DYRK1A: variants seen among roughly 807,000 people sequenced by gnomAD.
The protein encoded by DYRK1A is dual specificity tyrosine-phosphorylation-regulated kinase 1A.
In DYRK1A, 9 loss-of-function variants were observed where a neutral mutation model predicts 79.7. The ratio of observed to expected loss-of-function variants is 0.11; its 90% CI spans 0.07 to 0.20. The LOEUF is 0.20. DYRK1A is among the 10% of genes least tolerant of loss of function. The probability of loss-of-function intolerance (pLI) is 1.00; values close to 1 mark genes in which losing one functional copy is unlikely to be tolerated. For synonymous variants in DYRK1A, 349 were observed against 329.7 expected (o/e 1.06, Z -0.63); for missense variants, 622 against 956.0 (o/e 0.65, Z 4.61).
chr21:37,368,873 C>G (rs917546238), intron 1 of DYRK1A, among the ~76,000 whole-genome samples: 2 of 152,044 alleles, frequency 1.3e-5, no homozygotes, highest in African/African-American at 2.4e-5. Context: ...GATGTGTCCC[C>G]GTAAGGTTTT....
chr21:37,427,268 C>T (rs1392880095), intron 2 of DYRK1A, among the ~76,000 whole-genome samples: 1 of 152,186 alleles, frequency 6.6e-6, no homozygotes, highest in East Asian at 1.9e-4. Context: ...CGTGCTGCCA[C>T]ACCTGGCTAA....
intron 9 of DYRK1A, among the ~76,000 whole-genome samples, chr21:37,498,683 G>A (rs1176252700): frequency 2.6e-5 from 4 of 152,112 alleles, no homozygotes; most frequent in Middle Eastern, 3.2e-3. Flanking sequence ...TCATCTCTCT[G>A]ACAGCACAGT....
intron 2 of DYRK1A, among the ~76,000 whole-genome samples, chr21:37,467,334 ATCC>A (rs2148542805): frequency 6.6e-6 from 1 of 152,238 alleles, no homozygotes; most frequent in East Asian, 1.9e-4. Context: ...GGCCCAGGTG[ATCC>A]TCTAACCTCA....
rs190522405 is a variant in DYRK1A, at chr21:37,523,278, C to G, written c.*10747C>G. 1.3e-5 allele frequency: 2 copies of G among 152,508 alleles called. No homozygotes were observed. Among genetic ancestry groups the G allele is most frequent in the Non-Finnish European group, 2.9e-5 (2 of 68,084 alleles). The allele number at this position is 152,508 out of a possible 1,614,324, so 9.4% of individuals were successfully genotyped here. A position where few individuals can be genotyped will look rare whatever the true frequency, so the allele number is the denominator to read the frequency against. ...CTGGTCTTGAACCCCTGGGCTCAAG[C>G]GATCCTTCTGCCTCAGCCTCCCATT... On this transcript the variant is annotated 3_prime_UTR_variant, in exon 12 of 12. Transcript: ENST00000647188.
chr21:37,451,809 G>A (rs2148503627), intron 2 of DYRK1A, among the ~76,000 whole-genome samples: 1 of 152,312 alleles, frequency 6.6e-6, no homozygotes, highest in East Asian at 1.9e-4. Flanking sequence ...AGGGAAGAAT[G>A]GAGTAGGGGA....
chr21:37,401,481 C>CTTTTT (rs772460097), intron 1 of DYRK1A, among the ~76,000 whole-genome samples: 2 of 135,034 alleles, frequency 1.5e-5, no homozygotes, highest in Non-Finnish European at 1.6e-5. Flanking sequence ...ATTTCTAGTT[C>CTTTTT]CTTTTTTTTT....
At chr21:37,424,537 C>T (rs1569309936) in intron 2 of DYRK1A, among the ~76,000 whole-genome samples, 1 of 152,000 alleles carries the variant, frequency 6.6e-6, no homozygotes, top group Admixed American at 6.6e-5. Flanking sequence ...ATTTTATACT[C>T]GTGTTGACTA....
intron 1 of DYRK1A, among the ~76,000 whole-genome samples, chr21:37,400,715 T>C (rs1382029214): frequency 6.6e-6 from 1 of 152,200 alleles, no homozygotes; most frequent in Non-Finnish European, 1.5e-5. Context: ...AGTCTGAGTT[T>C]AGGGAAATGA....
chr21:37,428,731 G>A (rs962115458), intron 2 of DYRK1A: 1 of 152,198 alleles, frequency 6.6e-6, no homozygotes, highest in Admixed American at 6.5e-5. Flanking sequence ...TTGGCTTAGT[G>A]TAAGAAGATT....
chr21:37,485,123 T>C (rs950959604), intron 5 of DYRK1A, among the ~76,000 whole-genome samples: 5 of 151,998 alleles, frequency 3.3e-5, no homozygotes, highest in Non-Finnish European at 5.9e-5. Flanking sequence ...CTCTAGGCAT[T>C]GATGTAAAAG....
rs971538889 is a variant in DYRK1A at position 37,521,122 on chromosome 21, C to T, written c.*8591C>T. On this transcript the variant is annotated 3_prime_UTR_variant, in exon 12 of 12. Coordinates refer to ENST00000647188, the MANE Select transcript of DYRK1A (RefSeq NM_001347721.2). ...GGAGCTTGTCCAGGGAGGGCTCCCA[C>T]GTGCGTATTCACTAATTGTGGTCTT... The T allele has an allele frequency of 1.3e-5, 2 of 152,212 alleles. No individual in the cohort carries two copies. Among genetic ancestry groups the T allele is most frequent in the African/African-American group, 4.8e-5 (2 of 41,448 alleles). 9.4% of individuals were successfully genotyped at this position (152,212 alleles called of 1,614,324 possible). A position where few individuals can be genotyped will look rare whatever the true frequency, so the allele number is the denominator to read the frequency against.
chr21:37,436,767 C>T (rs1461483258), intron 2 of DYRK1A, among the ~76,000 whole-genome samples: 4 of 152,170 alleles, frequency 2.6e-5, no homozygotes, highest in Non-Finnish European at 4.4e-5. Flanking sequence ...CGTCCCCAGG[C>T]ATATATACTG....
intron 1 of DYRK1A, among the ~76,000 whole-genome samples, chr21:37,403,642 A>ATATAT (rs1569295294): frequency 2.0e-5 from 2 of 101,012 alleles, no homozygotes; most frequent in African/African-American, 8.2e-5. Flanking sequence ...ATTAAAAAAA[A>ATATAT]AAAAAAATAT....
At chr21:37,382,051 T>G (rs1602370786) in intron 1 of DYRK1A, among the ~76,000 whole-genome samples, 1 of 152,202 alleles carries the variant, frequency 6.6e-6, no homozygotes, top group East Asian at 1.9e-4. Context: ...TTTTATAACC[T>G]TTTTCAGTGA....
intron 2 of DYRK1A, among the ~76,000 whole-genome samples, chr21:37,459,053 C>A (rs2051753853): frequency 6.6e-6 from 1 of 152,138 alleles, no homozygotes; most frequent in South Asian, 2.1e-4. Flanking sequence ...ATTTGCTAAG[C>A]CATAAATAAG....
Position 37,518,489 on chromosome 21 carries a change from C to T in DYRK1A, c.*5958C>T, listed in dbSNP as rs1462909262. 6.6e-6 allele frequency: 1 copy of T among 152,200 alleles called. No homozygotes were observed. The highest frequency in any genetic ancestry group is 1.9e-4 in the East Asian group (1 of 5,200). 9.4% of individuals were successfully genotyped at this position (152,200 alleles called of 1,614,324 possible). A position where few individuals can be genotyped will look rare whatever the true frequency, so the allele number is the denominator to read the frequency against. On this transcript the variant is annotated 3_prime_UTR_variant, in exon 12 of 12. Transcript: ENST00000647188. ...CATCACACTAGCAGGATTTTAGATT[C>T]AGAGTTGGGGTGGGGCCTGGAGCTC...
At chr21:37,476,912 T>C (rs1244554431) in intron 3 of DYRK1A, among the ~76,000 whole-genome samples, 1 of 148,776 alleles carries the variant, frequency 6.7e-6, no homozygotes, top group African/African-American at 2.5e-5. Context: ...GCCCTCTGGG[T>C]AACAACTTTT....
chr21:37,477,356 A>G (rs755796591), intron 3 of DYRK1A, among the ~76,000 whole-genome samples: 9 of 152,192 alleles, frequency 5.9e-5, no homozygotes, highest in East Asian at 1.9e-4. Context: ...GTTGATTGCA[A>G]GAACCCCCAT....
At chr21:37,399,980 C>G (rs1284818272) in intron 1 of DYRK1A, among the ~76,000 whole-genome samples, 1 of 152,154 alleles carries the variant, frequency 6.6e-6, no homozygotes, top group Non-Finnish European at 1.5e-5. Context: ...CTTAAAACAA[C>G]AGAAATTTAT....
Sources: gnomAD v4.1 joint callset for allele counts (sites outside exome capture counted in the v4.1 genomes callset) on GRCh38, gnomAD v4.1.1 for gene constraint, MANE v1.5 for transcripts, NCBI Gene and HGNC (gene_info 2026-07-23, HGNC 2026-07-21) for gene names.